Variants in COL11A1 observed in about 807,000 individuals in gnomAD.
The protein encoded by COL11A1 is collagen alpha-1(XI) chain.
Under a neutral mutation model 265.2 loss-of-function variants are expected in COL11A1, and 74 were observed. The observed-to-expected ratio is 0.28, with a 90% CI of 0.23 to 0.34. The LOEUF (loss-of-function observed/expected upper bound fraction) is 0.34. Ranked by LOEUF, COL11A1 falls within the 10% of genes least tolerant of loss-of-function variation. COL11A1 has a pLI of 1.00. For synonymous variants in COL11A1, 816 were observed against 727.6 expected, an observed-to-expected ratio of 1.12 and a Z score of -1.96; for missense variants, 2,165 against 2,263.6, an observed-to-expected ratio of 0.96 and a Z score of 0.88.
chr1:103,054,838 T>C (rs1427749251), intron 4 of COL11A1, among the ~76,000 whole-genome samples: 1 of 152,002 alleles, frequency 6.6e-6, no homozygotes, highest in African/African-American at 2.4e-5. Context: ...GAGGCAGAGG[T>C]TGCAGTGAGC....
chr1:102,878,789 G>T lies in COL11A1; in HGVS notation c.5275-624C>A, dbSNP rs79207596. On this transcript the variant is annotated intron_variant, in intron 66 of 66. Coordinates refer to ENST00000370096, the MANE Select transcript of COL11A1 (RefSeq NM_001854.4). ...TGCCCAAAGTTCTGGGATTACAGGG[G>T]TAAGACACCACACCCAGCCCCTCCA... Among the ~76,000 whole-genome samples, 975 of 151,686 alleles carry T rather than the reference G, an allele frequency of 6.4e-3. 11 individuals are homozygous for T. The highest frequency in any genetic ancestry group is 0.023 in the African/African-American group (933 of 41,374).
At chr1:103,073,166 A>G (rs1273621671) in intron 4 of COL11A1, among the ~76,000 whole-genome samples, 3 of 151,774 alleles carry the variant, frequency 2.0e-5, no homozygotes, top group Non-Finnish European at 4.4e-5. Context: ...AGCTTCTCCA[A>G]CTAAAGAGCT....
chr1:102,913,798 A>G, intron 52 of COL11A1, 108 bp from the exon 53 acceptor site: 1 of 964,724 alleles, frequency 1.0e-6, no homozygotes. Flanking sequence ...AAATTATCAG[A>G]TGGACAAGTA....
intron 28 of COL11A1, among the ~76,000 whole-genome samples, chr1:102,990,209 A>G (rs1296482884): frequency 6.6e-6 from 1 of 152,040 alleles, no homozygotes; most frequent in Non-Finnish European, 1.5e-5. Context: ...AAGAACAACA[A>G]CAACAAAAGG....
chr1:103,101,034 T>C (rs1571284322), intron 1 of COL11A1, among the ~76,000 whole-genome samples: 1 of 152,146 alleles, frequency 6.6e-6, no homozygotes, highest in South Asian at 2.1e-4. Context: ...TATGATATTT[T>C]ACTTAAATTT....
intron 41 of COL11A1, among the ~76,000 whole-genome samples, chr1:102,951,807 A>G (rs1016396079): frequency 2.6e-5 from 4 of 152,116 alleles, no homozygotes; most frequent in Non-Finnish European, 4.4e-5. Flanking sequence ...TGTAGTCAAG[A>G]GAAATTTTTC....
intron 24 of COL11A1, among the ~76,000 whole-genome samples, chr1:102,999,918 C>T (rs1553230987): frequency 6.6e-6 from 1 of 151,470 alleles, no homozygotes; most frequent in Non-Finnish European, 1.5e-5. Flanking sequence ...AAGTGTTTTC[C>T]TCATATTTTT....
chr1:103,021,743 C>T lies in COL11A1; in HGVS notation c.1272G>A (p.Glu424=), dbSNP rs1457152357. Residue 424 remains glutamate (E), a synonymous_variant, in exon 9 of 67, where the codon GAG becomes GAA. Coordinates refer to ENST00000370096, the MANE Select transcript of COL11A1 (RefSeq NM_001854.4). The part of the protein sequence containing the change: ...TSINGHGAYG[E]KGQKGEPAVV... Reference sequence around the variant, plus strand: ...CTGCTGGTTCTCCTTTCTGTCCTTTCTCTCCATATGCACCATGGCCATTTA... The same window carrying T: ...CTGCTGGTTCTCCTTTCTGTCCTTTTTCTCCATATGCACCATGGCCATTTA... 6.2e-7 allele frequency: 1 copy of T among 1,612,668 alleles called. No homozygotes were observed.
chr1:103,031,362 T>C, intron 4 of COL11A1, 118 bp from the exon 5 acceptor site: 1 of 1,224,452 alleles, frequency 8.2e-7, no homozygotes, highest in Non-Finnish European at 1.1e-6. Flanking sequence ...AAAAATGACC[T>C]ACTTATATTT....
At chr1:102,912,722 C>A (rs979987929) in intron 53 of COL11A1, among the ~76,000 whole-genome samples, 2 of 151,978 alleles carry the variant, frequency 1.3e-5, no homozygotes, top group African/African-American at 4.8e-5. Context: ...TGAGAGGGAC[C>A]CAGTGGGAGG....
chr1:103,105,639 A>G (rs1177349137), intron 1 of COL11A1, among the ~76,000 whole-genome samples: 1 of 152,136 alleles, frequency 6.6e-6, no homozygotes. Flanking sequence ...CAATGAAATC[A>G]ATGTCATAGT....
At chr1:102,984,985 C>A (rs138454665) in intron 30 of COL11A1, among the ~76,000 whole-genome samples, 1,742 of 151,890 alleles carry the variant, frequency 0.011, 32 homozygotes, top group African/African-American at 0.039. Flanking sequence ...AAACAATTTA[C>A]TTCCCTATGA....
At position 103,003,204 on chromosome 1, in the gene COL11A1, G is replaced by T. The variant is rs375664445; in HGVS notation, c.1998+11C>A. 1 of 1,613,006 alleles carries T rather than the reference G, an allele frequency of 6.2e-7. No homozygotes were observed. The highest frequency in any genetic ancestry group is 1.1e-5 in the South Asian group (1 of 90,982). On this transcript the variant is annotated intron_variant, in intron 21 of 66. Coordinates refer to ENST00000370096, the MANE Select transcript of COL11A1 (RefSeq NM_001854.4). ...CCCTAGAAAATCTTCAATGTTTCCA[G>T]CAATACATACAGGCTGCCCTGGAGC...
At chr1:103,101,353 T>C (rs2102417472) in intron 1 of COL11A1, among the ~76,000 whole-genome samples, 1 of 152,104 alleles carries the variant, frequency 6.6e-6, no homozygotes, top group East Asian at 1.9e-4. Context: ...TGAGCTCCAC[T>C]CTTAGACTCT....
chr1:103,064,454 C>T (rs1225531278), intron 4 of COL11A1, among the ~76,000 whole-genome samples: 1 of 151,882 alleles, frequency 6.6e-6, no homozygotes, highest in East Asian at 1.9e-4. Flanking sequence ...ACTTTGGGGG[C>T]TGAGGCGGGT....
chr1:103,031,795 A>G (rs1411592888), intron 4 of COL11A1, among the ~76,000 whole-genome samples: 2 of 151,920 alleles, frequency 1.3e-5, no homozygotes, highest in Non-Finnish European at 2.9e-5. Flanking sequence ...AAATGAAGAC[A>G]CCAGAAAAAT....
At chr1:103,062,034 A>G (rs1164476181) in intron 4 of COL11A1, among the ~76,000 whole-genome samples, 1 of 152,002 alleles carries the variant, frequency 6.6e-6, no homozygotes, top group African/African-American at 2.4e-5. Flanking sequence ...CATTAAAAGG[A>G]TGATAAAAGA....
chr1:102,907,606 C>T (rs1654142160), intron 54 of COL11A1, among the ~76,000 whole-genome samples: 1 of 151,948 alleles, frequency 6.6e-6, no homozygotes, highest in Non-Finnish European at 1.5e-5. Flanking sequence ...ATATCTGTAA[C>T]AATTCTGCAT....
intron 4 of COL11A1, among the ~76,000 whole-genome samples, chr1:103,046,455 A>T (rs1291622329): frequency 2.0e-5 from 3 of 150,908 alleles, no homozygotes; most frequent in Non-Finnish European, 4.4e-5. Flanking sequence ...TGGGGTTGTT[A>T]GTTTTTTTCT....
Sources: allele counts gnomAD v4.1 joint callset (sites outside exome capture counted in the v4.1 genomes callset), GRCh38; gene constraint gnomAD v4.1.1; transcripts MANE v1.5; gene names NCBI Gene and HGNC (gene_info 2026-07-23, HGNC 2026-07-21).